Variants in PATJ observed in about 807,000 individuals in gnomAD.
The protein encoded by PATJ is PATJ crumbs cell polarity complex component.
PATJ carries 190 observed loss-of-function variants against 224.9 expected under a neutral mutation model. The observed-to-expected ratio is 0.84, with a 90% CI of 0.75 to 0.95. PATJ has a LOEUF of 0.95. Ranked by LOEUF, PATJ falls within the 40% of genes least tolerant of loss-of-function variation. The pLI, the probability that PATJ is intolerant of heterozygous loss-of-function variation, is 0.00. For missense variants in PATJ, 2,121 were observed against 2,270.3 expected (o/e 0.93, Z 1.34); for synonymous variants, 769 against 820.3 (o/e 0.94, Z 1.07).
intron 3 of PATJ, among the ~76,000 whole-genome samples, chr1:61,764,734 A>G (rs1406289314): frequency 6.6e-6 from 1 of 152,204 alleles, no homozygotes; most frequent in African/African-American, 2.4e-5. Flanking sequence ...TAAATTCTAC[A>G]TGTGTCTTTC....
chr1:62,030,112 T>A (rs1292523279), intron 29 of PATJ, among the ~76,000 whole-genome samples: 1 of 152,100 alleles, frequency 6.6e-6, no homozygotes, highest in Admixed American at 6.6e-5. Context: ...ATGGAAACTG[T>A]GGGATTAAAA....
At chr1:61,815,141 G>A (rs1327894603) in intron 14 of PATJ, among the ~76,000 whole-genome samples, 1 of 152,200 alleles carries the variant, frequency 6.6e-6, no homozygotes, top group Non-Finnish European at 1.5e-5. Context: ...GAGGGAGCCA[G>A]GGAAAGCCTT....
chr1:61,932,933 G>A (rs1676248567), intron 27 of PATJ, among the ~76,000 whole-genome samples: 1 of 152,094 alleles, frequency 6.6e-6, no homozygotes, highest in Admixed American at 6.6e-5. Flanking sequence ...AGTAATTATT[G>A]TTCAGATTAT....
intron 37 of PATJ, chr1:62,117,478 T>A: frequency 8.3e-7 from 1 of 1,205,658 alleles, no homozygotes; most frequent in African/African-American, 1.6e-5. Flanking sequence ...ATATTGCCTA[T>A]GCACGCATGT....
At chr1:61,897,469 C>T (rs1466941817) in intron 22 of PATJ, among the ~76,000 whole-genome samples, 2 of 152,140 alleles carry the variant, frequency 1.3e-5, no homozygotes, top group African/African-American at 4.8e-5. Flanking sequence ...GTCTTAAATA[C>T]CTTCGTCCTT....
intron 20 of PATJ, among the ~76,000 whole-genome samples, chr1:61,864,944 T>TA (rs954559144): frequency 6.0e-4 from 89 of 148,946 alleles, no homozygotes; most frequent in South Asian, 1.7e-3. Flanking sequence ...ATTTGTGATT[T>TA]AAAAAAAAAA....
chr1:62,013,524 G>A (rs1407869151), intron 28 of PATJ: 2 of 984,674 alleles, frequency 2.0e-6, no homozygotes, highest in African/African-American at 3.5e-5. Context: ...GCTCCACTCA[G>A]TTCAGTAGGT....
At chr1:61,905,408 A>G (rs1400389862) in intron 24 of PATJ, among the ~76,000 whole-genome samples, 1 of 152,252 alleles carries the variant, frequency 6.6e-6, no homozygotes, top group African/African-American at 2.4e-5. Context: ...TAGGATTTCA[A>G]GATATGAATT....
chr1:61,772,440 G>A (rs1198399048), intron 6 of PATJ, among the ~76,000 whole-genome samples: 1 of 152,020 alleles, frequency 6.6e-6, no homozygotes, highest in Non-Finnish European at 1.5e-5. Context: ...TCTCTTTTGG[G>A]AACCCTTGAA....
Position 61,983,886 on chromosome 1 carries a change from G to A in PATJ, c.3671-6282G>A, listed in dbSNP as rs189289124. 7.7e-3 allele frequency among the ~76,000 whole-genome samples: 1,177 copies of A among 151,898 alleles called. 9 individuals are homozygous for A. Among genetic ancestry groups the A allele is most frequent in the Non-Finnish European group, 0.013 (856 of 67,968 alleles). ...GTCACCCAGGCTGGAGTGCAGTGGC[G>A]TGACTGTGGCTCAGTGCAGCCTCAA... On this transcript the variant is annotated intron_variant, in intron 27 of 43. Transcript: ENST00000642238.
chr1:61,786,646 T>G (rs1648592322), intron 7 of PATJ, among the ~76,000 whole-genome samples: 1 of 152,048 alleles, frequency 6.6e-6, no homozygotes. Context: ...CTCCTTTTCC[T>G]CCCTCACAGC....
rs775869080 is a variant in PATJ at position 61,908,374 on chromosome 1, G to T, written c.3384G>T (p.Val1128=). The change falls in exon 25 of 44, where the codon GTG becomes GTT. Residue 1128 remains valine (V), a splice_region_variant and synonymous_variant. Transcript: ENST00000642238. ...AATAACTTGCTTCTGTGTTTCAGGT[G>T]TCTGGAGTAGATTTGCAGAATGCCT... ...ALKTGDKILE[V]SGVDLQNASH... 8.1e-6 allele frequency: 13 copies of T among 1,608,742 alleles called. No homozygotes were observed. The highest frequency in any genetic ancestry group is 2.2e-5 in the South Asian group (2 of 90,970).
chr1:61,798,582 T>C (rs1651826762), intron 11 of PATJ, among the ~76,000 whole-genome samples: 1 of 152,176 alleles, frequency 6.6e-6, no homozygotes, highest in Non-Finnish European at 1.5e-5. Context: ...CAATTTAGAA[T>C]GAGTGAATTA....
chr1:62,032,865 C>T (rs1179784812), intron 29 of PATJ, among the ~76,000 whole-genome samples: 10 of 151,994 alleles, frequency 6.6e-5, no homozygotes, highest in Admixed American at 2.6e-4. Flanking sequence ...ATAATCACGG[C>T]GCAAGGGGAA....
chr1:61,902,513 T>A (rs185044961), intron 24 of PATJ, among the ~76,000 whole-genome samples: 35 of 152,228 alleles, frequency 2.3e-4, no homozygotes, highest in East Asian at 2.1e-3. Context: ...CGTTTTCAGA[T>A]AAAATGGAAA....
At chr1:61,771,766 C>A in intron 6 of PATJ, 140 bp downstream of exon 6, 1 of 632,466 alleles carries the variant, frequency 1.6e-6, no homozygotes, top group Non-Finnish European at 2.5e-6. Flanking sequence ...GTTGCCCAGG[C>A]TGGAGTGCAG....
At chr1:61,962,163 C>T (rs1284180616) in intron 27 of PATJ, among the ~76,000 whole-genome samples, 1 of 152,028 alleles carries the variant, frequency 6.6e-6, no homozygotes, top group African/African-American at 2.4e-5. Flanking sequence ...CTTCCACAGC[C>T]TACCATGATA....
At chr1:62,095,136 TC>T (rs1329454379) in intron 33 of PATJ, among the ~76,000 whole-genome samples, 2 of 152,194 alleles carry the variant, frequency 1.3e-5, no homozygotes, top group Non-Finnish European at 2.9e-5. Context: ...AAGGCAATAA[TC>T]TTTTATCGTG....
chr1:62,062,462 C>CAGT (rs1232056663), intron 31 of PATJ, among the ~76,000 whole-genome samples: 2 of 92,844 alleles, frequency 2.2e-5, no homozygotes, highest in Non-Finnish European at 4.0e-5. Flanking sequence ...GGCTGGAGTG[C>CAGT]AGTGGTGTGG....
Sources: allele counts gnomAD v4.1 joint callset (sites outside exome capture counted in the v4.1 genomes callset), GRCh38; gene constraint gnomAD v4.1.1; transcripts MANE v1.5; gene names NCBI Gene and HGNC (gene_info 2026-07-23, HGNC 2026-07-21).